Variants in MYCBP observed in about 807,000 individuals in gnomAD.
The protein encoded by MYCBP is MYC binding protein, also known as C-Myc-binding protein.
Under a neutral mutation model 16.8 loss-of-function variants are expected in MYCBP, and 5 were observed. That is an observed-to-expected ratio of 0.30 (90% CI 0.16 to 0.63). The LOEUF is 0.63. MYCBP is among the 20% of genes least tolerant of loss of function. The pLI is 0.83. For synonymous variants in MYCBP, 35 were observed against 43.7 expected (o/e 0.80, Z 0.79); for missense variants, 103 against 121.8 (o/e 0.85, Z 0.73).
chr1:38,867,799 G>A (rs1642371265), intron 2 of MYCBP, among the ~76,000 whole-genome samples, 189 bp from the exon 3 acceptor site: 1 of 152,160 alleles, frequency 6.6e-6, no homozygotes, highest in South Asian at 2.1e-4. Context: ...TAAAAGATAT[G>A]CAAGGAACTA....
chr1:38,869,061 T>C (rs923463952), intron 2 of MYCBP, among the ~76,000 whole-genome samples: 4 of 152,004 alleles, frequency 2.6e-5, no homozygotes, highest in Non-Finnish European at 5.9e-5. Flanking sequence ...AAAATCACTA[T>C]TTTTTGAGAA....
rs763506125 is a variant in MYCBP at position 38,873,279 on chromosome 1, C to T, written c.15+12G>A. ...CGCCCGCATGCCCCCAGCCACGCCG[C>T]GCCCCCCTCACTTTGTAATGGGCCA... On this transcript the variant is annotated intron_variant, in intron 1 of 4. Coordinates refer to ENST00000397572, the MANE Select transcript of MYCBP (RefSeq NM_012333.5). 6.2e-7 allele frequency: 1 copy of T among 1,601,122 alleles called. No individual in the cohort carries two copies.
chr1:38,872,406 A>G (rs1223989318), intron 2 of MYCBP, among the ~76,000 whole-genome samples: 1 of 152,268 alleles, frequency 6.6e-6, no homozygotes, highest in Non-Finnish European at 1.5e-5. Flanking sequence ...CGTTAACAGT[A>G]AGCTTTCATT....
intron 2 of MYCBP, among the ~76,000 whole-genome samples, chr1:38,869,376 C>A (rs770657144): frequency 1.3e-5 from 2 of 152,116 alleles, no homozygotes; most frequent in African/African-American, 4.8e-5. Flanking sequence ...GTGTGAGCCA[C>A]CACACCTGGC....
At chr1:38,872,426 G>A (rs1016213053) in intron 2 of MYCBP, 1 of 152,480 alleles carries the variant, frequency 6.6e-6, no homozygotes, top group Non-Finnish European at 1.5e-5. Flanking sequence ...TTTAAAAAGT[G>A]AAAACAATGT....
chr1:38,864,631 C>T lies in MYCBP; in HGVS notation c.*39G>A. ...TACTATACAAACTATTCAAGTCATA[C>T]AAAACCATTTTTCATTGTCTTTCAA... On this transcript the variant is annotated 3_prime_UTR_variant, in exon 5 of 5. Coordinates refer to ENST00000397572, the MANE Select transcript of MYCBP (RefSeq NM_012333.5). 2 of 1,607,634 alleles carry T rather than the reference C, an allele frequency of 1.2e-6. No homozygotes were observed. The highest frequency in any genetic ancestry group is 1.1e-5 in the South Asian group (1 of 90,948).
rs113888025 is a variant in MYCBP at position 38,866,914 on chromosome 1, G to A, written c.233C>T (p.Ala78Val). 96 of 1,578,142 alleles carry A rather than the reference G, an allele frequency of 6.1e-5. No individual in the cohort carries two copies. In the African/African-American group the frequency reaches 1.1e-3, roughly 19 times the overall value. Reference sequence around the variant, plus strand: ...CAGTTTTTTATTTTCTTCTACAATAGCTTCATACTTCTCTTTCATTTCGGC... The same window carrying A: ...CAGTTTTTTATTTTCTTCTACAATAACTTCATACTTCTCTTTCATTTCGGC... ...ELAEMKEKYE[A>V]IVEENKKLKA... The change falls in exon 4 of 5, where the codon GCT (alanine) becomes GTT (valine). Residue 78 changes from alanine to valine, a missense_variant. By Grantham distance (64) the Ala-to-Val change is moderately conservative. Coordinates refer to ENST00000397572, the MANE Select transcript of MYCBP (RefSeq NM_012333.5).
At position 38,864,718 on chromosome 1, in the gene MYCBP, T is replaced by C. The variant is rs1642302405; in HGVS notation, c.268-4A>G. On this transcript the variant is annotated splice_region_variant and splice_polypyrimidine_tract_variant and intron_variant, in intron 4 of 4. Transcript: ENST00000397572. ...GAGGTGGTTCATACTGAGCAAGCTATGGGGCAAAGACAGAGGAATTTAGGT... is the reference window on the plus strand; with the variant it reads ...GAGGTGGTTCATACTGAGCAAGCTACGGGGCAAAGACAGAGGAATTTAGGT... 4 of 1,613,706 alleles carry C rather than the reference T, an allele frequency of 2.5e-6. No homozygotes were observed. The South Asian group carries it at 4.4e-5, about 18-fold the overall frequency.
intron 2 of MYCBP, chr1:38,872,447 A>T (rs1416700358): frequency 6.6e-6 from 1 of 152,602 alleles, no homozygotes; most frequent in African/African-American, 2.4e-5. Flanking sequence ...AACCACCTTG[A>T]TATGCCCTCG....
At chr1:38,865,779 G>A (rs146211503) in intron 4 of MYCBP, among the ~76,000 whole-genome samples, 1 of 152,176 alleles carries the variant, frequency 6.6e-6, no homozygotes, top group East Asian at 1.9e-4. Flanking sequence ...ACAAGCCTGG[G>A]TAACAGAGAA....
intron 4 of MYCBP, among the ~76,000 whole-genome samples, chr1:38,864,930 T>C (rs556423780): frequency 2.0e-5 from 3 of 152,346 alleles, no homozygotes; most frequent in African/African-American, 7.2e-5. Flanking sequence ...TAAAATTGCT[T>C]TGAAACTAAA....
At chr1:38,867,749 C>A in intron 2 of MYCBP, 139 bp from the exon 3 acceptor site, 1 of 719,712 alleles carries the variant, frequency 1.4e-6, no homozygotes, top group Non-Finnish European at 2.4e-6. Context: ...CTGAACAAGA[C>A]AGACAAGGTC....
intron 2 of MYCBP, among the ~76,000 whole-genome samples, chr1:38,871,319 G>T (rs9439079): frequency 0.54 from 81,419 of 151,438 alleles, 23,984 homozygotes; most frequent in Non-Finnish European, 0.67. Flanking sequence ...GGCCTCCTTA[G>T]ACTTCCTGAA....
chr1:38,864,108 G>A lies in MYCBP; in HGVS notation c.*562C>T, dbSNP rs1203662290. ...AGGCATGATTGCATAGAAGGAAAATGTGGTGTCAGAGTTCAAACTGGCACA... is the reference window on the plus strand; with the variant it reads ...AGGCATGATTGCATAGAAGGAAAATATGGTGTCAGAGTTCAAACTGGCACA... On this transcript the variant is annotated 3_prime_UTR_variant, in exon 5 of 5. Coordinates refer to ENST00000397572, the MANE Select transcript of MYCBP (RefSeq NM_012333.5). 2 of 153,350 alleles carry A rather than the reference G, an allele frequency of 1.3e-5. No individual in the cohort carries two copies. Among genetic ancestry groups the A allele is most frequent in the African/African-American group, 4.8e-5 (2 of 41,464 alleles). 9.5% of individuals were successfully genotyped at this position (153,350 alleles called of 1,614,324 possible).
At chr1:38,864,845 A>G (rs1293412111) in intron 4 of MYCBP, 131 bp from the exon 5 acceptor site, 1 of 778,836 alleles carries the variant, frequency 1.3e-6, no homozygotes. Flanking sequence ...TTCTATAACT[A>G]TCCATTTTAA....
Position 38,866,971 on chromosome 1 carries a change from T to C in MYCBP, c.176A>G (p.Asn59Ser). ...KHHLGAATPE[N>S]PEIELLRLEL... Reference sequence around the variant, plus strand: ...TAGGCGAAGCAGCTCTATTTCTGGATTTTCTGGAGTAGCAGCTCCTAAGTG... The same window carrying C: ...TAGGCGAAGCAGCTCTATTTCTGGACTTTCTGGAGTAGCAGCTCCTAAGTG... Residue 59 changes from asparagine to serine, a missense_variant, in exon 4 of 5, where the codon AAT becomes AGT. By Grantham distance (46) the Asn-to-Ser change is conservative. Coordinates refer to ENST00000397572, the MANE Select transcript of MYCBP (RefSeq NM_012333.5). 1 of 1,611,310 alleles carries C rather than the reference T, an allele frequency of 6.2e-7. No homozygotes were observed.
In MYCBP at chr1:38,873,039, C is replaced by T. The variant is rs1368884533; in HGVS notation, c.67G>A (p.Val23Met). Reference sequence around the variant, plus strand: ...TCACCCTTGGTCAGCGTGTCCAGCACCCCCGACTTCTCCAAGTACCTCCGG... The same window carrying T: ...TCACCCTTGGTCAGCGTGTCCAGCATCCCCGACTTCTCCAAGTACCTCCGG... ...QFRRYLEKSG[V>M]LDTLTKVLVA... The change falls in exon 2 of 5, where the codon GTG becomes ATG. Residue 23 changes from valine (V) to methionine (M), a missense_variant. Val to Met is a conservative substitution (Grantham distance 21). Transcript: ENST00000397572. The T allele has an allele frequency of 1.3e-6, 2 of 1,576,586 alleles. No homozygotes were observed. Among genetic ancestry groups the T allele is most frequent in the South Asian group, 1.2e-5 (1 of 85,838 alleles).
intron 2 of MYCBP, among the ~76,000 whole-genome samples, chr1:38,869,501 T>C (rs1642415273): frequency 6.6e-6 from 1 of 152,212 alleles, no homozygotes; most frequent in African/African-American, 2.4e-5. Context: ...AGGTTGATAG[T>C]TGCAGAAGAT....
Position 38,871,095 on chromosome 1 carries a change from G to C in MYCBP, c.88+1923C>G, listed in dbSNP as rs1642455196. Among the ~76,000 whole-genome samples, 2 of 152,070 alleles carry C rather than the reference G, an allele frequency of 1.3e-5. 1 individual carries two copies. Among genetic ancestry groups the C allele is most frequent in the South Asian group, 4.1e-4 (2 of 4,828 alleles). ...TCTCTACTAAAAATACAAAAAATTA[G>C]CTAAGCATGGTGGCACATGCCTGTA... On this transcript the variant is annotated intron_variant, in intron 2 of 4. Transcript: ENST00000397572.
Sources: gnomAD v4.1 joint callset for allele counts (sites outside exome capture counted in the v4.1 genomes callset) on GRCh38, gnomAD v4.1.1 for gene constraint, MANE v1.5 for transcripts, NCBI Gene and HGNC (gene_info 2026-07-23, HGNC 2026-07-21) for gene names.